Variants in TEX11 observed in about 807,000 individuals in gnomAD.
TEX11 encodes testis-expressed protein 11.
A neutral mutation model predicts 84.4 loss-of-function variants in TEX11; 7 were observed. The observed-to-expected ratio is 0.08, with a 90% confidence interval of 0.05 to 0.16. The LOEUF (loss-of-function observed/expected upper bound fraction) is 0.16, where lower values mean the gene tolerates loss of function less well. Ranked by LOEUF, TEX11 falls within the 10% of genes least tolerant of loss-of-function variation. The pLI is 1.00. For missense variants in TEX11, 551 were observed against 660.5 expected, an observed-to-expected ratio of 0.83 and a Z score of 1.82; for synonymous variants, 264 against 222.8, an observed-to-expected ratio of 1.18 and a Z score of -1.64.
chrX:70,837,299 C>T (rs1289034952), intron 7 of TEX11, among the ~76,000 whole-genome samples: 3 of 111,383 alleles, frequency 2.7e-5, no homozygotes, highest in African/African-American at 9.8e-5. Context: ...TGACTCATGC[C>T]TGTAATCCCA....
chrX:70,758,919 A>T (rs1193791591), intron 9 of TEX11, among the ~76,000 whole-genome samples: 6 of 111,980 alleles, frequency 5.4e-5, no homozygotes, highest in Admixed American at 1.9e-4. Flanking sequence ...ACACAATAAA[A>T]AATGATAAAG....
intron 4 of TEX11, among the ~76,000 whole-genome samples, chrX:70,861,252 G>C (rs2091567949): frequency 9.5e-6 from 1 of 105,385 alleles, no homozygotes; most frequent in Non-Finnish European, 1.9e-5. Context: ...TAGTAGAGAC[G>C]GGGTTTCACC....
chrX:70,603,871 C>T (rs945342342), intron 24 of TEX11, among the ~76,000 whole-genome samples: 38 of 76,070 alleles, frequency 5.0e-4, no homozygotes, highest in African/African-American at 1.8e-3. Flanking sequence ...AAACAAACAA[C>T]CCCATCAAAA....
chrX:70,651,595 G>A (rs1344391142), intron 16 of TEX11, 43 bp from the exon 17 acceptor site: 2 of 1,024,572 alleles, frequency 2.0e-6, no homozygotes. Flanking sequence ...AATCTACAAG[G>A]AAGGACTTAC....
At chrX:70,605,050 T>C (rs942716884) in intron 24 of TEX11, among the ~76,000 whole-genome samples, 1 of 111,847 alleles carries the variant, frequency 8.9e-6, no homozygotes, top group African/African-American at 3.2e-5. Context: ...TGGAAACAGA[T>C]GAGTTCTTCC....
intron 25 of TEX11, among the ~76,000 whole-genome samples, chrX:70,565,085 A>G (rs1300563244): frequency 1.9e-5 from 2 of 106,657 alleles, no homozygotes; most frequent in Non-Finnish European, 3.9e-5. Context: ...TGACTTTTTA[A>G]TGATTGCCAT....
intron 2 of TEX11, among the ~76,000 whole-genome samples, chrX:70,882,152 T>C (rs754040556): frequency 2.7e-5 from 3 of 111,074 alleles, no homozygotes; most frequent in Middle Eastern, 4.6e-3. Flanking sequence ...TAGGTAAGTA[T>C]TGGGCTGAGG....
In TEX11 at chrX:70,624,877, T is replaced by C. The variant is rs1178145145; in HGVS notation, c.1656A>G (p.Gln552=). The C allele has an allele frequency of 2.5e-6, 3 of 1,208,683 alleles. No homozygotes were observed. In the African/African-American group the frequency reaches 5.2e-5, roughly 21 times the overall value. ...GAACTTGTTCCTGGTCTTCTGAATG[T>C]TGAGCTAAATATTCCAAAGCTTTTT... The part of the protein sequence containing the change: ...VAEKALEYLA[Q]HSEDQEQVLT... The change falls in exon 19 of 30, where the codon CAA becomes CAG. Residue 552 remains glutamine, a synonymous_variant. Transcript: ENST00000374333.
intron 26 of TEX11, 63 bp downstream of exon 26, chrX:70,554,588 A>G: frequency 9.4e-7 from 1 of 1,060,592 alleles, no homozygotes; most frequent in Non-Finnish European, 1.2e-6. Context: ...AGTAAAGAGA[A>G]GAAAAAAAGT....
At chrX:70,855,427 G>A (rs1206267536) in intron 5 of TEX11, among the ~76,000 whole-genome samples, 4 of 109,800 alleles carry the variant, frequency 3.6e-5, no homozygotes, top group East Asian at 5.7e-4. Context: ...TTAGCTGGGC[G>A]TGGTGGTGCA....
At chrX:70,816,436 A>G (rs1344392510) in intron 8 of TEX11, among the ~76,000 whole-genome samples, 1 of 111,984 alleles carries the variant, frequency 8.9e-6, no homozygotes, top group African/African-American at 3.2e-5. Flanking sequence ...CTAGTATAAG[A>G]AAGTATTATC....
At chrX:70,731,818 C>A (rs1011004911) in intron 11 of TEX11, among the ~76,000 whole-genome samples, 2 of 110,675 alleles carry the variant, frequency 1.8e-5, no homozygotes, top group African/African-American at 6.6e-5. Context: ...CCAGCATCAT[C>A]CTGATACCAA....
chrX:70,867,280 C>T (rs1444752745), intron 4 of TEX11, among the ~76,000 whole-genome samples: 1 of 111,212 alleles, frequency 9.0e-6, no homozygotes, highest in Admixed American at 9.6e-5. Flanking sequence ...ACAACTGCTA[C>T]ACAGAGAATA....
chrX:70,905,032 G>A (rs942511018), intron 2 of TEX11, among the ~76,000 whole-genome samples: 5 of 112,266 alleles, frequency 4.5e-5, no homozygotes, highest in African/African-American at 1.6e-4. Flanking sequence ...GCCGGGTGCA[G>A]TGGCTCAAGG....
intron 8 of TEX11, among the ~76,000 whole-genome samples, chrX:70,826,320 A>T (rs2091346208): frequency 9.0e-6 from 1 of 110,867 alleles, no homozygotes; most frequent in African/African-American, 3.3e-5. Flanking sequence ...TCAAAAAAAA[A>T]AAAAAAGCTA....
chrX:70,687,767 G>T (rs1286252850), intron 13 of TEX11, among the ~76,000 whole-genome samples: 4 of 110,764 alleles, frequency 3.6e-5, no homozygotes, highest in Non-Finnish European at 7.6e-5. Context: ...GACTGCTTGA[G>T]TCCATGTGTT....
In TEX11 at chrX:70,552,224, T is replaced by G. The variant is rs1469887273; in HGVS notation, c.2422A>C (p.Asn808His). ...QYSKCMHNLV[N>H]LSVPDGASNV... The stretch of plus-strand genomic sequence containing the variant: ...GACGCCCCATCTGGCACTGAGAGGT[T>G]AACCAAGTTGTGCATACATTTGCTG... Residue 808 changes from asparagine to histidine, a missense_variant, in exon 28 of 30, where the codon AAC becomes CAC. Asn to His is a moderately conservative substitution (Grantham distance 68). Coordinates refer to ENST00000374333, the MANE Select transcript of TEX11 (RefSeq NM_031276.3). The G allele has an allele frequency of 5.0e-6, 6 of 1,209,918 alleles. No homozygotes were observed. Among genetic ancestry groups the G allele is most frequent in the Non-Finnish European group, 6.7e-6 (6 of 894,885 alleles).
chrX:70,604,617 C>G (rs2089174298), intron 24 of TEX11, among the ~76,000 whole-genome samples: 1 of 111,178 alleles, frequency 9.0e-6, no homozygotes, highest in South Asian at 3.8e-4. Context: ...AAGAGATTAA[C>G]AGGAGGAAGA....
At chrX:70,732,391 T>C (rs1389745209) in intron 11 of TEX11, among the ~76,000 whole-genome samples, 3 of 111,463 alleles carry the variant, frequency 2.7e-5, no homozygotes, top group Non-Finnish European at 5.7e-5. Flanking sequence ...TGATTGTATA[T>C]CTAGAAAACC....
Sources: gnomAD v4.1 joint callset for allele counts (sites outside exome capture counted in the v4.1 genomes callset) on GRCh38, gnomAD v4.1.1 for gene constraint, MANE v1.5 for transcripts, NCBI Gene and HGNC (gene_info 2026-07-23, HGNC 2026-07-21) for gene names.